Variants in FOXN2 observed in about 807,000 individuals in gnomAD.
FOXN2 encodes the protein forkhead box N2.
Under a neutral mutation model 41.2 loss-of-function variants are expected in FOXN2, and 19 were observed. That is an observed-to-expected ratio of 0.46 (90% CI 0.32 to 0.68). The LOEUF (loss-of-function observed/expected upper bound fraction) is 0.68. Ranked by LOEUF, FOXN2 falls within the 30% of genes least tolerant of loss-of-function variation. The pLI is 0.03. For synonymous variants in FOXN2, 195 were observed against 176.8 expected (o/e 1.10, Z -0.82); for missense variants, 587 against 509.4 (o/e 1.15, Z -1.47).
At chr2:48,322,553 A>G (rs1669400290) in intron 1 of FOXN2, among the ~76,000 whole-genome samples, 1 of 151,652 alleles carries the variant, frequency 6.6e-6, no homozygotes, top group South Asian at 2.1e-4. Flanking sequence ...TTTCTTTTTC[A>G]TTAAGCTTGC....
intron 3 of FOXN2, among the ~76,000 whole-genome samples, chr2:48,354,567 T>G (rs1421122348): frequency 6.6e-6 from 1 of 152,214 alleles, no homozygotes; most frequent in Non-Finnish European, 1.5e-5. Context: ...GCCACTGCAC[T>G]CCAGCCTGGC....
chr2:48,332,137 T>C (rs375719756), intron 2 of FOXN2, among the ~76,000 whole-genome samples: 13 of 152,212 alleles, frequency 8.5e-5, no homozygotes, highest in Admixed American at 7.9e-4. Flanking sequence ...GTTTTCATGA[T>C]GCCATTACAT....
intron 2 of FOXN2, among the ~76,000 whole-genome samples, chr2:48,337,652 C>T (rs1284021022): frequency 1.3e-5 from 2 of 152,008 alleles, no homozygotes; most frequent in Non-Finnish European, 2.9e-5. Flanking sequence ...CCATTTCTTT[C>T]GTTGATGGAC....
chr2:48,317,294 C>A (rs1386227730), intron 1 of FOXN2, among the ~76,000 whole-genome samples: 2 of 151,892 alleles, frequency 1.3e-5, no homozygotes, highest in Admixed American at 6.5e-5. Flanking sequence ...ACCAAAAATA[C>A]AAAAATTAGC....
chr2:48,369,850 A>G (rs1300191543), intron 5 of FOXN2, among the ~76,000 whole-genome samples: 2 of 151,996 alleles, frequency 1.3e-5, no homozygotes, highest in Non-Finnish European at 2.9e-5. Flanking sequence ...AAAAATAAAA[A>G]TGAGCCAGGT....
At position 48,347,220 on chromosome 2, in the gene FOXN2, C is replaced by CTTTTTT. The variant is rs751958598; in HGVS notation, c.537+488_537+493dup. Reference sequence around the variant, plus strand: ...CACTTTTGGTTTTGGTGTTTTGGTGCTTTTTTTTTTTTTTTTTTTTTTTTG... The same window carrying CTTTTTT: ...CACTTTTGGTTTTGGTGTTTTGGTGCTTTTTTTTTTTTTTTTTTTTTTTTTTTTTTG... On this transcript the variant is annotated intron_variant, in intron 3 of 6. Coordinates refer to ENST00000340553, the MANE Select transcript of FOXN2 (RefSeq NM_002158.4). Among the ~76,000 whole-genome samples the CTTTTTT allele has an allele frequency of 3.3e-3, 253 of 75,736 alleles. 8 individuals are homozygous for CTTTTTT. Among genetic ancestry groups the CTTTTTT allele is most frequent in the African/African-American group, 4.4e-3 (82 of 18,468 alleles). The allele number at this position is 75,736 out of a possible 152,430, so 49.7% of individuals were successfully genotyped here.
At chr2:48,368,525 C>T (rs1558640286) in intron 5 of FOXN2, among the ~76,000 whole-genome samples, 1 of 152,242 alleles carries the variant, frequency 6.6e-6, no homozygotes, top group South Asian at 2.1e-4. Context: ...AACCCCATCT[C>T]TACCAAAAAT....
chr2:48,332,997 A>AT (rs146936457), intron 2 of FOXN2, among the ~76,000 whole-genome samples: 36,539 of 151,966 alleles, frequency 0.24, 4,846 homozygotes, highest in East Asian at 0.52. Flanking sequence ...TCCTTTTTCA[A>AT]TTTTTAAATT....
intron 2 of FOXN2, among the ~76,000 whole-genome samples, chr2:48,334,290 T>C (rs1339116834): frequency 6.6e-6 from 1 of 152,240 alleles, no homozygotes; most frequent in Non-Finnish European, 1.5e-5. Flanking sequence ...GTGTGGCCTG[T>C]AGAATGTATC....
intron 2 of FOXN2, among the ~76,000 whole-genome samples, chr2:48,333,079 C>T (rs1349753882): frequency 6.6e-6 from 1 of 152,096 alleles, no homozygotes. Flanking sequence ...CCAATATCTC[C>T]TAGTGTTATG....
chr2:48,357,716 G>A lies in FOXN2; in HGVS notation c.538-1331G>A, dbSNP rs113834614. Reference sequence around the variant, plus strand: ...TTCCCAAAGTGCTAGGATTACAGACGTGAGCCACCGCACCTGGCCTGGTGC... The same window carrying A: ...TTCCCAAAGTGCTAGGATTACAGACATGAGCCACCGCACCTGGCCTGGTGC... On this transcript the variant is annotated intron_variant, in intron 3 of 6. Coordinates refer to ENST00000340553, the MANE Select transcript of FOXN2 (RefSeq NM_002158.4). 1.5e-3 allele frequency among the ~76,000 whole-genome samples: 223 copies of A among 152,026 alleles called. 1 individual carries two copies. The highest frequency in any genetic ancestry group is 5.2e-3 in the African/African-American group (214 of 41,472).
At chr2:48,343,566 C>T (rs1670905302) in intron 2 of FOXN2, among the ~76,000 whole-genome samples, 1 of 151,988 alleles carries the variant, frequency 6.6e-6, no homozygotes. Flanking sequence ...TGAGACCAGC[C>T]TGGGCAACCA....
chr2:48,346,744 A>G lies in FOXN2; in HGVS notation c.530A>G (p.His177Arg). The change falls in exon 3 of 7, where the codon CAT becomes CGT. Residue 177 changes from histidine to arginine, a missense_variant. Coordinates refer to ENST00000340553, the MANE Select transcript of FOXN2 (RefSeq NM_002158.4). ...NKCFQKVERS[H>R]GKVNGKGSLW... ...TGTTTTCAGAAAGTGGAAAGAAGCC[A>G]TGGCAAGGTCAGTGTTTATGAACAT... 6.3e-7 allele frequency: 1 copy of G among 1,585,496 alleles called. No homozygotes were observed. The highest frequency in any genetic ancestry group is 8.6e-7 in the Non-Finnish European group (1 of 1,169,112).
chr2:48,325,432 A>G (rs944477551), intron 1 of FOXN2, among the ~76,000 whole-genome samples: 9 of 152,206 alleles, frequency 5.9e-5, no homozygotes, highest in African/African-American at 2.2e-4. Flanking sequence ...TTTGTAATGT[A>G]TACATACATG....
chr2:48,376,038 CAA>C lies in FOXN2; in HGVS notation c.*597_*598del, dbSNP rs1214788635. ...TTGGTTACGTAGGTAGAGAATACAA[CAA>C]AGAGTTCTAAGACTTAGAAAAGACA... On this transcript the variant is annotated 3_prime_UTR_variant, in exon 7 of 7. Transcript: ENST00000340553. The C allele has an allele frequency of 5.3e-5, 8 of 152,238 alleles. No homozygotes were observed. The highest frequency in any genetic ancestry group is 1.7e-4 in the African/African-American group (7 of 41,396). The allele number at this position is 152,238 out of a possible 1,614,324, so 9.4% of individuals were successfully genotyped here.
intron 6 of FOXN2, among the ~76,000 whole-genome samples, 155 bp downstream of exon 6, chr2:48,373,515 A>G (rs1235583373): frequency 6.6e-6 from 1 of 152,158 alleles, no homozygotes; most frequent in African/African-American, 2.4e-5. Flanking sequence ...TACTTTCATT[A>G]ATTTATGTGA....
At chr2:48,346,893 T>G in intron 3 of FOXN2, 142 bp downstream of exon 3, 2 of 657,238 alleles carry the variant, frequency 3.0e-6, no homozygotes, top group Non-Finnish European at 4.8e-6. Context: ...TCATTTGTTT[T>G]CACTTGAGAT....
chr2:48,330,608 G>C (rs535728518), intron 2 of FOXN2, among the ~76,000 whole-genome samples: 103 of 152,070 alleles, frequency 6.8e-4, no homozygotes, highest in African/African-American at 2.4e-3. Flanking sequence ...CTGAGATGAT[G>C]CCTACTTTCT....
chr2:48,352,149 G>T (rs1043493252), intron 3 of FOXN2, among the ~76,000 whole-genome samples: 3 of 152,162 alleles, frequency 2.0e-5, no homozygotes, highest in Admixed American at 2.0e-4. Flanking sequence ...ACTTGTGACA[G>T]TGTGAATGAT....
Sources: allele counts gnomAD v4.1 joint callset (sites outside exome capture counted in the v4.1 genomes callset), GRCh38; gene constraint gnomAD v4.1.1; transcripts MANE v1.5; gene names NCBI Gene and HGNC (gene_info 2026-07-23, HGNC 2026-07-21).